Variants in BTRC observed in about 807,000 individuals in gnomAD.
The protein encoded by BTRC is F-box/WD repeat-containing protein 1A.
A neutral mutation model predicts 85.5 loss-of-function variants in BTRC; 42 were observed. The ratio of observed to expected loss-of-function variants is 0.49; its 90% CI spans 0.38 to 0.64. The LOEUF is 0.64. Among genes scored for constraint, BTRC ranks in the 30% least tolerant of loss-of-function variants. BTRC has a pLI of 0.00. For missense variants in BTRC, 594 were observed against 743.5 expected, an observed-to-expected ratio of 0.80 and a Z score of 2.34; for synonymous variants, 255 against 263.3, an observed-to-expected ratio of 0.97 and a Z score of 0.30.
chr10:101,555,032 C>G lies in BTRC; in HGVS notation c.*1909C>G, dbSNP rs2062707408. The G allele has an allele frequency of 6.6e-6, 1 of 152,184 alleles. No homozygotes were observed. Among genetic ancestry groups the G allele is most frequent in the African/African-American group, 2.4e-5 (1 of 41,442 alleles). The allele number at this position is 152,184 out of a possible 1,614,324, so 9.4% of individuals were successfully genotyped here. ...TACATCGTAGCCTAAGAAATATTTT[C>G]TCAATGTAATTCCCTTCCCAGCTAC... On this transcript the variant is annotated 3_prime_UTR_variant, in exon 15 of 15. Coordinates refer to ENST00000370187, the MANE Select transcript of BTRC (RefSeq NM_033637.4).
rs950356597 is a variant in BTRC, at chr10:101,455,713, G to A, written c.157-6268G>A. On this transcript the variant is annotated intron_variant, in intron 2 of 14. Transcript: ENST00000370187. ...TTTGGTGAATGATAAATAATGTCAT[G>A]TAAATGGTACAGAGACTTTGATGAA... 1.4e-4 allele frequency among the ~76,000 whole-genome samples: 22 copies of A among 152,262 alleles called. 1 individual carries two copies. The highest frequency in any genetic ancestry group is 6.2e-4 in the South Asian group (3 of 4,816).
Position 101,532,789 on chromosome 10 carries a change from T to TGTGTGTGTGC in BTRC, c.979-162_979-161insTGTGTGTGCG, listed in dbSNP as rs57980548. ...GTGTGTGTGTGTGTGTGTGTGTGTG[T>TGTGTGTGTGC]GCGCGTGTGCGCGCGCGCGCGCTTA... On this transcript the variant is annotated intron_variant, in intron 8 of 14. Coordinates refer to ENST00000370187, the MANE Select transcript of BTRC (RefSeq NM_033637.4). Among the ~76,000 whole-genome samples the TGTGTGTGTGC allele has an allele frequency of 7.8e-3, 610 of 78,226 alleles. 5 individuals are homozygous for TGTGTGTGTGC. Among genetic ancestry groups the TGTGTGTGTGC allele is most frequent in the African/African-American group, 0.024 (360 of 15,134 alleles). The allele number at this position is 78,226 out of a possible 152,430, so 51.3% of individuals were successfully genotyped here.
rs1046551524 is a variant in BTRC, at chr10:101,462,059, G to T, written c.234+1G>T. 2 of 1,605,488 alleles carry T rather than the reference G, an allele frequency of 1.2e-6. No homozygotes were observed. The highest frequency in any genetic ancestry group is 1.7e-6 in the Non-Finnish European group (2 of 1,174,308). On this transcript the variant is annotated splice_donor_variant, in intron 3 of 14. Coordinates refer to ENST00000370187, the MANE Select transcript of BTRC (RefSeq NM_033637.4). LOFTEE classifies it high-confidence loss of function. ...ACCAGAGAAGAATTCACTTAGACAG[G>T]TATGAAATTCAGCCTTACTTAAAAT...
At chr10:101,463,406 C>CT (rs1249353868) in intron 3 of BTRC, among the ~76,000 whole-genome samples, 1 of 151,858 alleles carries the variant, frequency 6.6e-6, no homozygotes, top group Non-Finnish European at 1.5e-5. Flanking sequence ...TCTCAGACCC[C>CT]TGACCTCAGG....
chr10:101,375,342 C>T (rs111921065), intron 1 of BTRC, among the ~76,000 whole-genome samples: 7,219 of 152,088 alleles, frequency 0.047, 570 homozygotes, highest in African/African-American at 0.16. Flanking sequence ...TGCCTTCTCC[C>T]GTGATTTTAA....
intron 1 of BTRC, 62 bp downstream of exon 1, chr10:101,354,290 T>G: frequency 6.5e-7 from 1 of 1,529,858 alleles, no homozygotes; most frequent in South Asian, 1.2e-5. Context: ...GTCGCTGGCC[T>G]GGGCCGCCCG....
At chr10:101,457,450 G>C (rs1432547535) in intron 2 of BTRC, among the ~76,000 whole-genome samples, 4 of 152,196 alleles carry the variant, frequency 2.6e-5, no homozygotes, top group Admixed American at 2.0e-4. Context: ...GGGCAGGACA[G>C]AGCTACCAGA....
chr10:101,515,936 G>C (rs993570938), intron 4 of BTRC, among the ~76,000 whole-genome samples: 3 of 152,190 alleles, frequency 2.0e-5, no homozygotes, highest in African/African-American at 7.2e-5. Flanking sequence ...AGGGTGACTA[G>C]TGACCTGAAA....
At position 101,553,755 on chromosome 10, in the gene BTRC, CT is replaced by C. The variant is rs939558612; in HGVS notation, c.*633del. 3.3e-5 allele frequency: 5 copies of C among 153,094 alleles called. No individual in the cohort carries two copies. Among genetic ancestry groups the C allele is most frequent in the African/African-American group, 1.2e-4 (5 of 41,586 alleles). 9.5% of individuals were successfully genotyped at this position (153,094 alleles called of 1,614,324 possible). On this transcript the variant is annotated 3_prime_UTR_variant, in exon 15 of 15. Coordinates refer to ENST00000370187, the MANE Select transcript of BTRC (RefSeq NM_033637.4). ...AAGATTTGGGCCTCCTGCCTGCCTT[CT>C]CTTTGTTTCTGTTCCTCTTCCCATC...
chr10:101,459,239 G>A (rs1945159129), intron 2 of BTRC, among the ~76,000 whole-genome samples: 2 of 152,278 alleles, frequency 1.3e-5, no homozygotes, highest in South Asian at 4.2e-4. Context: ...CATAGATAAA[G>A]ATGCAAGGAA....
chr10:101,413,955 CTGT>C (rs1943853243), intron 1 of BTRC, among the ~76,000 whole-genome samples: 1 of 152,044 alleles, frequency 6.6e-6, no homozygotes, highest in South Asian at 2.1e-4. Flanking sequence ...ACATTGGGGG[CTGT>C]TGTTTTTAAC....
At position 101,445,693 on chromosome 10, in the gene BTRC, A is replaced by G. The variant is rs74155339; in HGVS notation, c.156+15241A>G. Among the ~76,000 whole-genome samples, 678 of 152,290 alleles carry G rather than the reference A, an allele frequency of 4.5e-3. 9 individuals carry two copies. The highest frequency in any genetic ancestry group is 0.015 in the African/African-American group (643 of 41,562). ...ATCCCATGTGGCAGAGGAGTTGTGT[A>G]TAATCGCTTTGGTTTAATCAATAGA... is the stretch of plus-strand genomic sequence containing the variant. On this transcript the variant is annotated intron_variant, in intron 2 of 14. Transcript: ENST00000370187.
chr10:101,381,988 TTTTTTTTTTTTTG>T, intron 1 of BTRC, among the ~76,000 whole-genome samples: 2 of 116,408 alleles, frequency 1.7e-5, no homozygotes, highest in Non-Finnish European at 1.8e-5. Context: ...TTTTTTTTTT[TTTTTTTTTTTTTG>T]AGATGGCGTC....
chr10:101,498,405 T>C (rs921181142), intron 4 of BTRC, among the ~76,000 whole-genome samples: 3 of 152,022 alleles, frequency 2.0e-5, no homozygotes, highest in African/African-American at 7.2e-5. Context: ...TCTGCCCCCC[T>C]TGGCCTCCCA....
At chr10:101,365,505 C>T (rs900755339) in intron 1 of BTRC, among the ~76,000 whole-genome samples, 6 of 150,586 alleles carry the variant, frequency 4.0e-5, no homozygotes, top group East Asian at 1.9e-4. Context: ...GACGAAGTTT[C>T]GCTCTTGTTG....
chr10:101,369,541 G>A lies in BTRC; in HGVS notation c.48+15313G>A, dbSNP rs1317017453. On this transcript the variant is annotated intron_variant, in intron 1 of 14. Coordinates refer to ENST00000370187, the MANE Select transcript of BTRC (RefSeq NM_033637.4). ...CTTATACTTTTTTTGCCCTAGCCCT[G>A]GAATTAGTGATTTCTCTGAGAAGCT... 3.9e-5 allele frequency among the ~76,000 whole-genome samples: 6 copies of A among 152,066 alleles called. No homozygotes were observed. In the East Asian group the frequency reaches 1.2e-3, roughly 29 times the overall value.
chr10:101,414,673 G>A (rs1564757073), intron 1 of BTRC: 1 of 517,928 alleles, frequency 1.9e-6, no homozygotes, highest in East Asian at 5.5e-5. Flanking sequence ...AGTGCCATAA[G>A]CTATGAAGGT....
At chr10:101,408,688 A>G (rs748803908) in intron 1 of BTRC, among the ~76,000 whole-genome samples, 22 of 152,034 alleles carry the variant, frequency 1.4e-4, no homozygotes, top group African/African-American at 4.1e-4. Flanking sequence ...TATGCCTTCT[A>G]TTGGCTTACT....
At chr10:101,471,925 A>G (rs966606775) in intron 3 of BTRC, among the ~76,000 whole-genome samples, 5 of 152,182 alleles carry the variant, frequency 3.3e-5, no homozygotes, top group African/African-American at 1.2e-4. Flanking sequence ...ATTGTTTCAT[A>G]TTGGGCTACT....
Sources: gnomAD v4.1 joint callset for allele counts (sites outside exome capture counted in the v4.1 genomes callset) on GRCh38, gnomAD v4.1.1 for gene constraint, MANE v1.5 for transcripts, NCBI Gene and HGNC (gene_info 2026-07-23, HGNC 2026-07-21) for gene names.